KPNA4: variants seen among roughly 807,000 people sequenced by gnomAD.
The protein encoded by KPNA4 is karyopherin subunit alpha 4.
Under a neutral mutation model 71.3 loss-of-function variants are expected in KPNA4, and 13 were observed. The observed-to-expected ratio is 0.18, with a 90% CI of 0.12 to 0.29. The LOEUF (loss-of-function observed/expected upper bound fraction) is 0.29, where lower values mean the gene tolerates loss of function less well. Ranked by LOEUF, KPNA4 falls within the 10% of genes least tolerant of loss-of-function variation. KPNA4 has a pLI of 1.00. For synonymous variants in KPNA4, 189 were observed against 195.2 expected (o/e 0.97, Z 0.26); for missense variants, 334 against 603.2 (o/e 0.55, Z 4.67).
chr3:160,504,155 C>T (rs181855766), intron 16 of KPNA4, among the ~76,000 whole-genome samples: 86 of 152,296 alleles, frequency 5.6e-4, no homozygotes, highest in Non-Finnish European at 7.5e-4. Flanking sequence ...TAGGACTAAG[C>T]TTAAACAACT....
rs1720746837 is a variant in KPNA4, at chr3:160,495,802, T to G, written c.*6302A>C. ...AGGAAATACCTAGAATACATGATGT[T>G]TTATGCAGCTGAACAGGACAACCCT... On this transcript the variant is annotated 3_prime_UTR_variant, in exon 17 of 17. Transcript: ENST00000334256. 3 of 151,634 alleles carry G rather than the reference T, an allele frequency of 2.0e-5. No individual in the cohort carries two copies. Among genetic ancestry groups the G allele is most frequent in the African/African-American group, 7.3e-5 (3 of 41,234 alleles). The allele number at this position is 151,634 out of a possible 1,614,324, so 9.4% of individuals were successfully genotyped here. A position where few individuals can be genotyped will look rare whatever the true frequency, so the allele number is the denominator to read the frequency against.
At chr3:160,564,045 C>T (rs918564300) in intron 1 of KPNA4, among the ~76,000 whole-genome samples, 1 of 152,092 alleles carries the variant, frequency 6.6e-6, no homozygotes, top group African/African-American at 2.4e-5. Context: ...TGAAAACGTA[C>T]CGAGAACAAC....
intron 1 of KPNA4, among the ~76,000 whole-genome samples, chr3:160,541,251 C>G (rs1450904366): frequency 6.6e-6 from 1 of 152,124 alleles, no homozygotes; most frequent in Non-Finnish European, 1.5e-5. Flanking sequence ...ATAGTAATTA[C>G]TGTACAATTT....
intron 8 of KPNA4, among the ~76,000 whole-genome samples, 177 bp from the exon 9 acceptor site, chr3:160,526,284 A>G (rs1000295577): frequency 1.3e-5 from 2 of 152,194 alleles, no homozygotes; most frequent in East Asian, 1.9e-4. Flanking sequence ...AGGCAACATA[A>G]AGTGATAAGG....
chr3:160,502,569 C>T (rs1460070403), intron 16 of KPNA4, among the ~76,000 whole-genome samples: 1 of 152,008 alleles, frequency 6.6e-6, no homozygotes, highest in Non-Finnish European at 1.5e-5. Context: ...CGGAGTTTCA[C>T]CATACTGCCC....
intron 11 of KPNA4, among the ~76,000 whole-genome samples, chr3:160,519,620 C>G (rs1721302422): frequency 6.6e-6 from 1 of 150,388 alleles, no homozygotes; most frequent in Admixed American, 6.6e-5. Flanking sequence ...AGGTGAAACC[C>G]CGTCTCTACT....
intron 12 of KPNA4, among the ~76,000 whole-genome samples, chr3:160,514,403 GA>G (rs971872431): frequency 8.5e-5 from 13 of 152,142 alleles, no homozygotes; most frequent in African/African-American, 1.2e-4. Context: ...CCCTTCGGAA[GA>G]ATTATTGAAA....
chr3:160,510,875 C>T (rs1721077581), intron 13 of KPNA4, among the ~76,000 whole-genome samples: 1 of 151,538 alleles, frequency 6.6e-6, no homozygotes, highest in African/African-American at 2.4e-5. Context: ...GCAACCTCCA[C>T]CTCCTGGGTT....
rs577299049 is a variant in KPNA4, at chr3:160,497,647, C to T, written c.*4457G>A. ...AGATATCTGGGCAAAATTTTTTCCT[C>T]CCATAATATTAAATTATTGGCTGAC... On this transcript the variant is annotated 3_prime_UTR_variant, in exon 17 of 17. Transcript: ENST00000334256. 4 of 152,196 alleles carry T rather than the reference C, an allele frequency of 2.6e-5. No homozygotes were observed. The highest frequency in any genetic ancestry group is 9.6e-5 in the African/African-American group (4 of 41,540). The allele number at this position is 152,196 out of a possible 1,614,324, so 9.4% of individuals were successfully genotyped here. A position where few individuals can be genotyped will look rare whatever the true frequency, so the allele number is the denominator to read the frequency against.
chr3:160,542,461 T>C (rs1222894789), intron 1 of KPNA4, among the ~76,000 whole-genome samples: 2 of 152,200 alleles, frequency 1.3e-5, no homozygotes, highest in Non-Finnish European at 2.9e-5. Flanking sequence ...AATTACATTA[T>C]GACAATAAAA....
chr3:160,559,265 C>G (rs1722198205), intron 1 of KPNA4, among the ~76,000 whole-genome samples: 1 of 151,900 alleles, frequency 6.6e-6, no homozygotes, highest in Non-Finnish European at 1.5e-5. Flanking sequence ...GAACTTGTCC[C>G]AGAGGCATGG....
chr3:160,522,361 T>C (rs1721366363), intron 10 of KPNA4, among the ~76,000 whole-genome samples: 1 of 152,260 alleles, frequency 6.6e-6, no homozygotes. Context: ...AAGTACCATG[T>C]AGATATGCCT....
At chr3:160,520,669 C>T (rs903329220) in intron 11 of KPNA4, among the ~76,000 whole-genome samples, 3 of 152,078 alleles carry the variant, frequency 2.0e-5, no homozygotes, top group Admixed American at 2.0e-4. Context: ...ACCTGAAGAG[C>T]ATTTTAAAGC....
intron 1 of KPNA4, among the ~76,000 whole-genome samples, chr3:160,563,547 A>G (rs1246332215): frequency 3.3e-5 from 5 of 152,254 alleles, no homozygotes; most frequent in Non-Finnish European, 5.9e-5. Flanking sequence ...GCTGCCAGAA[A>G]AATGAAGCCA....
rs1317570757 is a variant in KPNA4, at chr3:160,500,264, A to C, written c.*1840T>G. 1 of 152,600 alleles carries C rather than the reference A, an allele frequency of 6.6e-6. No homozygotes were observed. The allele number at this position is 152,600 out of a possible 1,614,324, so 9.5% of individuals were successfully genotyped here. Reference sequence around the variant, plus strand: ...TACAAGCTAGTTTTCTGCTGCTTCTAGTTTTAAACTTTAACCATGTTTCTG... The same window carrying C: ...TACAAGCTAGTTTTCTGCTGCTTCTCGTTTTAAACTTTAACCATGTTTCTG... On this transcript the variant is annotated 3_prime_UTR_variant, in exon 17 of 17. Transcript: ENST00000334256.
intron 1 of KPNA4, among the ~76,000 whole-genome samples, chr3:160,545,419 T>C (rs769596981): frequency 6.6e-6 from 1 of 152,236 alleles, no homozygotes; most frequent in African/African-American, 2.4e-5. Context: ...TCTGTCTTCA[T>C]GGCATTTATT....
rs947916608 is a variant in KPNA4 at position 160,565,473 on chromosome 3, C to G, written c.-191G>C. On this transcript the variant is annotated 5_prime_UTR_variant, in exon 1 of 17. Transcript: ENST00000334256. Reference sequence around the variant, plus strand: ...CCCCGCCCGCCCCCCCGCCCTAACCCCAGCGCGACTGCAGCTCCGGCAAAG... The same window carrying G: ...CCCCGCCCGCCCCCCCGCCCTAACCGCAGCGCGACTGCAGCTCCGGCAAAG... 32 of 568,456 alleles carry G rather than the reference C, an allele frequency of 5.6e-5. No homozygotes were observed. In the South Asian group the frequency reaches 6.8e-4, roughly 12 times the overall value. 35.2% of individuals were successfully genotyped at this position (568,456 alleles called of 1,614,324 possible).
intron 5 of KPNA4, 145 bp from the exon 6 acceptor site, chr3:160,531,702 C>G (rs966388090): frequency 2.3e-6 from 1 of 428,718 alleles, no homozygotes; most frequent in African/African-American, 2.1e-5. Context: ...TATAATGCAA[C>G]CTTTTCTCTA....
chr3:160,555,094 G>A (rs1416103118), intron 1 of KPNA4, among the ~76,000 whole-genome samples: 1 of 152,154 alleles, frequency 6.6e-6, no homozygotes, highest in Non-Finnish European at 1.5e-5. Context: ...TTATCTCCAG[G>A]TAGACAGTGT....
Sources: gnomAD v4.1 joint callset for allele counts (sites outside exome capture counted in the v4.1 genomes callset) on GRCh38, gnomAD v4.1.1 for gene constraint, MANE v1.5 for transcripts, NCBI Gene and HGNC (gene_info 2026-07-23, HGNC 2026-07-21) for gene names.